Variants in ADAMTS18 observed in about 807,000 individuals in gnomAD.
The protein encoded by ADAMTS18 is A disintegrin and metalloproteinase with thrombospondin motifs 18.
In ADAMTS18, 157 loss-of-function variants were observed where a neutral mutation model predicts 165.9. The observed-to-expected ratio is 0.95, with a 90% CI of 0.83 to 1.08. The LOEUF is 1.08. ADAMTS18 is among the 50% of genes least tolerant of loss of function. ADAMTS18 has a pLI of 0.00. For synonymous variants in ADAMTS18, 782 were observed against 578.2 expected (o/e 1.35, Z -5.06); for missense variants, 2,040 against 1,534.0 (o/e 1.33, Z -5.51).
intron 13 of ADAMTS18, 127 bp downstream of exon 13, chr16:77,325,739 G>C: frequency 1.1e-6 from 1 of 947,078 alleles, no homozygotes; most frequent in African/African-American, 1.7e-5. Context: ...CACTGAGCCA[G>C]GATGGGTCTG....
intron 17 of ADAMTS18, among the ~76,000 whole-genome samples, chr16:77,298,636 A>G (rs925537670): frequency 2.0e-5 from 3 of 152,088 alleles, no homozygotes; most frequent in Non-Finnish European, 2.9e-5. Context: ...TATAAAAAAG[A>G]AAAAAACGGG....
In ADAMTS18 at chr16:77,282,986, G is replaced by A. The variant is rs1313309227; in HGVS notation, c.*970C>T. The A allele has an allele frequency of 7.2e-6, 1 of 139,724 alleles. No homozygotes were observed. The highest frequency in any genetic ancestry group is 1.5e-5 in the Non-Finnish European group (1 of 65,966). The allele number at this position is 139,724 out of a possible 1,614,324, so 8.7% of individuals were successfully genotyped here. On this transcript the variant is annotated 3_prime_UTR_variant, in exon 23 of 23. Coordinates refer to ENST00000282849, the MANE Select transcript of ADAMTS18 (RefSeq NM_199355.4). ...ATCAGTTGGTAGGAAAAAGCCACAA[G>A]TGGCCTTTAATTTTCCAAGCAGCTC...
intron 20 of ADAMTS18, among the ~76,000 whole-genome samples, chr16:77,292,652 C>G (rs1054585883): frequency 2.9e-4 from 44 of 152,354 alleles, no homozygotes; most frequent in African/African-American, 9.4e-4. Flanking sequence ...TGCGCCCCTA[C>G]TGCCCAGACA....
intron 16 of ADAMTS18, among the ~76,000 whole-genome samples, chr16:77,315,898 A>G (rs1014458884): frequency 1.3e-5 from 2 of 152,010 alleles, no homozygotes; most frequent in African/African-American, 4.8e-5. Context: ...TTGAATATCT[A>G]AGGTACATTG....
At chr16:77,402,105 A>G (rs769127787) in intron 3 of ADAMTS18, among the ~76,000 whole-genome samples, 8 of 152,192 alleles carry the variant, frequency 5.3e-5, no homozygotes, top group Non-Finnish European at 8.8e-5. Flanking sequence ...CTAGCTACCT[A>G]CCTACCTAAT....
Position 77,357,512 on chromosome 16 carries a change from T to TA in ADAMTS18, c.1323-1436dup, listed in dbSNP as rs748446833. 3.9e-4 allele frequency among the ~76,000 whole-genome samples: 60 copies of TA among 152,020 alleles called. 1 individual carries two copies. Among genetic ancestry groups the TA allele is most frequent in the Non-Finnish European group, 6.9e-4 (47 of 68,000 alleles). On this transcript the variant is annotated intron_variant, in intron 8 of 22. Transcript: ENST00000282849. ...CCCTTTCTAAATATATTTGTGAAAG[T>TA]AAAAAACAGAAAGAAACCTATAAAT...
At chr16:77,331,181 C>T (rs1010141391) in intron 12 of ADAMTS18, among the ~76,000 whole-genome samples, 3 of 152,096 alleles carry the variant, frequency 2.0e-5, no homozygotes, top group Non-Finnish European at 4.4e-5. Context: ...GAACAATGCC[C>T]TATTATAATG....
At chr16:77,372,263 C>T (rs969386194) in intron 3 of ADAMTS18, among the ~76,000 whole-genome samples, 4 of 152,114 alleles carry the variant, frequency 2.6e-5, no homozygotes, top group South Asian at 2.1e-4. Context: ...ATCCCACTAC[C>T]GGGTATTTAT....
intron 3 of ADAMTS18, among the ~76,000 whole-genome samples, chr16:77,430,520 C>T (rs139797782): frequency 6.6e-6 from 1 of 152,320 alleles, no homozygotes; most frequent in East Asian, 1.9e-4. Flanking sequence ...GCACAATCAC[C>T]ATGTGTCTCA....
At chr16:77,413,581 A>C (rs767695662) in intron 3 of ADAMTS18, among the ~76,000 whole-genome samples, 4 of 152,176 alleles carry the variant, frequency 2.6e-5, no homozygotes, top group Non-Finnish European at 5.9e-5. Flanking sequence ...CAACCCCTCT[A>C]TTAGGGAGGG....
In ADAMTS18 at chr16:77,341,799, C is replaced by A; in HGVS notation, c.1615G>T (p.Asp539Tyr). The change falls in exon 11 of 23, where the codon GAT (aspartate) becomes TAT (tyrosine). Residue 539 changes from aspartate to tyrosine, a missense_variant and splice_region_variant. Asp to Tyr is a radical substitution (Grantham distance 160). Coordinates refer to ENST00000282849, the MANE Select transcript of ADAMTS18 (RefSeq NM_199355.4). ...AKLCSLGFVKDICKSLWCHRV... is the reference protein window; with the variant it reads ...AKLCSLGFVKYICKSLWCHRV... Reference sequence around the variant, plus strand: ...TGGCACCAAAGTGATTTGCAAATATCCTGAAATAAAAAAAAAGGGGGGTGC... The same window carrying A: ...TGGCACCAAAGTGATTTGCAAATATACTGAAATAAAAAAAAAGGGGGGTGC... The A allele has an allele frequency of 1.2e-6, 2 of 1,606,902 alleles. No homozygotes were observed. Among genetic ancestry groups the A allele is most frequent in the Non-Finnish European group, 8.5e-7 (1 of 1,176,698 alleles).
Position 77,359,415 on chromosome 16 carries a change from G to C in ADAMTS18, c.1225C>G (p.Pro409Ala). Residue 409 changes from proline (P) to alanine (A), a missense_variant, in exon 8 of 23, where the codon CCC becomes GCC. Coordinates refer to ENST00000282849, the MANE Select transcript of ADAMTS18 (RefSeq NM_199355.4). ...NEPCDTLGFA[P>A]ISGMCSKYRS... Reference sequence around the variant, plus strand: ...TACTTAGAGCACATTCCACTGATGGGGGCAAACCCTATTGAAAGAGCAGTT... The same window carrying C: ...TACTTAGAGCACATTCCACTGATGGCGGCAAACCCTATTGAAAGAGCAGTT... The C allele has an allele frequency of 6.2e-7, 1 of 1,613,532 alleles. No individual in the cohort carries two copies. Among genetic ancestry groups the C allele is most frequent in the South Asian group, 1.1e-5 (1 of 90,840 alleles).
intron 10 of ADAMTS18, 111 bp downstream of exon 10, chr16:77,353,622 T>C (rs1397972973): frequency 3.5e-6 from 5 of 1,445,620 alleles, no homozygotes; most frequent in Non-Finnish European, 4.8e-6. Context: ...ACGGTAGAGA[T>C]AACCCAGAAC....
At chr16:77,397,840 A>G (rs1438556435) in intron 3 of ADAMTS18, among the ~76,000 whole-genome samples, 3 of 152,220 alleles carry the variant, frequency 2.0e-5, no homozygotes, top group African/African-American at 7.2e-5. Flanking sequence ...AACTGAAGAC[A>G]GTAAGCACCT....
rs780098580 is a variant in ADAMTS18, at chr16:77,362,281, C to G, written c.1057-17G>C. 2.8e-5 allele frequency: 45 copies of G among 1,613,834 alleles called. 2 individuals carry two copies. The South Asian group carries it at 4.9e-4, about 18-fold the overall frequency. ...TAATCCTCCCTATGGGAAACCCACA[C>G]AAATCAAAGTGTGAATTTGTCACAG... is the stretch of plus-strand genomic sequence containing the variant. On this transcript the variant is annotated splice_polypyrimidine_tract_variant and intron_variant, in intron 6 of 22. Coordinates refer to ENST00000282849, the MANE Select transcript of ADAMTS18 (RefSeq NM_199355.4).
intron 3 of ADAMTS18, among the ~76,000 whole-genome samples, chr16:77,410,212 T>G (rs1230073011): frequency 6.6e-6 from 1 of 152,008 alleles, no homozygotes; most frequent in African/African-American, 2.4e-5. Context: ...TGTTACTCTA[T>G]GATATTTTCT....
intron 12 of ADAMTS18, among the ~76,000 whole-genome samples, chr16:77,328,382 T>C (rs539004399): frequency 6.6e-6 from 1 of 152,152 alleles, no homozygotes; most frequent in South Asian, 2.1e-4. Flanking sequence ...TAAAATTCCT[T>C]GTCTCTTTAG....
chr16:77,412,017 G>T (rs71396113), intron 3 of ADAMTS18, among the ~76,000 whole-genome samples: 1,771 of 151,974 alleles, frequency 0.012, 8 homozygotes, highest in Non-Finnish European at 0.016. Context: ...ATCATTCTGG[G>T]TGTGTCTGTG....
chr16:77,331,746 G>C (rs966724006), intron 12 of ADAMTS18, among the ~76,000 whole-genome samples: 2 of 152,074 alleles, frequency 1.3e-5, no homozygotes, highest in African/African-American at 4.8e-5. Context: ...ACCATGTACA[G>C]GACAAATCTC....
Sources: allele counts gnomAD v4.1 joint callset (sites outside exome capture counted in the v4.1 genomes callset), GRCh38; gene constraint gnomAD v4.1.1; transcripts MANE v1.5; gene names NCBI Gene and HGNC (gene_info 2026-07-23, HGNC 2026-07-21).